PPP1R9A: variants seen among roughly 807,000 people sequenced by gnomAD.
The protein encoded by PPP1R9A is protein phosphatase 1 regulatory subunit 9A.
Under a neutral mutation model 141.9 loss-of-function variants are expected in PPP1R9A, and 59 were observed. That is an observed-to-expected ratio of 0.42 (90% confidence interval 0.34 to 0.52). The LOEUF (loss-of-function observed/expected upper bound fraction) is 0.52, where lower values mean the gene tolerates loss of function less well. PPP1R9A is among the 20% of genes least tolerant of loss of function. PPP1R9A has a pLI of 0.10. For synonymous variants in PPP1R9A, 500 were observed against 569.7 expected, an observed-to-expected ratio of 0.88 and a Z score of 1.74; for missense variants, 1,444 against 1,611.9, an observed-to-expected ratio of 0.90 and a Z score of 1.78.
At chr7:95,059,686 C>T (rs1372559790) in intron 2 of PPP1R9A, among the ~76,000 whole-genome samples, 1 of 152,140 alleles carries the variant, frequency 6.6e-6, no homozygotes, top group African/African-American at 2.4e-5. Flanking sequence ...TGTATGTATG[C>T]TGAGTGTGAC....
rs1805354826 is a variant in PPP1R9A at position 95,286,474 on chromosome 7, C to G, written c.3729+149C>G. ...TTAATTTGAAGTCTTCATGATTTCT[C>G]TCCCTCCCTTTCTCAACAGAAAAGC... On this transcript the variant is annotated intron_variant, in intron 18 of 19. Transcript: ENST00000433360. 3 of 1,348,568 alleles carry G rather than the reference C, an allele frequency of 2.2e-6. No individual in the cohort carries two copies. The South Asian group carries it at 4.7e-5, about 21-fold the overall frequency. The allele number at this position is 1,348,568 out of a possible 1,614,324, so 83.5% of individuals were successfully genotyped here.
intron 2 of PPP1R9A, among the ~76,000 whole-genome samples, chr7:94,998,339 A>G (rs1386816531): frequency 3.9e-5 from 6 of 152,142 alleles, no homozygotes; most frequent in Non-Finnish European, 5.9e-5. Flanking sequence ...CCTGTGAACT[A>G]TTTACCCCTC....
At chr7:94,944,318 C>T (rs544130820) in intron 2 of PPP1R9A, among the ~76,000 whole-genome samples, 1 of 152,214 alleles carries the variant, frequency 6.6e-6, no homozygotes, top group Middle Eastern at 3.4e-3. Flanking sequence ...CCTGTTCTTT[C>T]AGACACCTCC....
intron 4 of PPP1R9A, among the ~76,000 whole-genome samples, chr7:95,157,248 G>T (rs1829771349): frequency 6.6e-6 from 1 of 152,096 alleles, no homozygotes; most frequent in Admixed American, 6.6e-5. Flanking sequence ...GGCCTTCTCA[G>T]CTCCCCCTCT....
chr7:95,133,789 C>T (rs934002063), intron 4 of PPP1R9A, among the ~76,000 whole-genome samples: 2 of 151,904 alleles, frequency 1.3e-5, no homozygotes, highest in African/African-American at 2.4e-5. Flanking sequence ...CTCCACCTCC[C>T]GGGTTCAAGC....
chr7:95,071,257 A>G (rs577654234), intron 2 of PPP1R9A, among the ~76,000 whole-genome samples: 2 of 152,142 alleles, frequency 1.3e-5, no homozygotes, highest in African/African-American at 4.8e-5. Flanking sequence ...TTGGAGAATA[A>G]CTACCTGAGC....
In PPP1R9A at chr7:95,111,484, G is replaced by A. The variant is rs117990831; in HGVS notation, c.1528+93G>A. 6,911 of 1,245,104 alleles carry A rather than the reference G, an allele frequency of 5.6e-3. 55 individuals are homozygous for A. The highest frequency in any genetic ancestry group is 0.027 in the East Asian group (1,073 of 39,766). 77.1% of individuals were successfully genotyped at this position (1,245,104 alleles called of 1,614,324 possible). A position where few individuals can be genotyped will look rare whatever the true frequency, so the allele number is the denominator to read the frequency against. ...AATGTAGCCTTTTTTCTAAGGATTGGATAAAATTTTAATTCTAACAGAGGA... is the reference window on the plus strand; with the variant it reads ...AATGTAGCCTTTTTTCTAAGGATTGAATAAAATTTTAATTCTAACAGAGGA... On this transcript the variant is annotated intron_variant, in intron 3 of 19. Transcript: ENST00000433360.
intron 2 of PPP1R9A, among the ~76,000 whole-genome samples, chr7:94,983,424 A>T (rs1321171626): frequency 1.3e-5 from 2 of 152,138 alleles, no homozygotes; most frequent in African/African-American, 4.8e-5. Context: ...CTTGAGCAGT[A>T]TGGCCATTTT....
chr7:94,981,987 A>G (rs1343205213), intron 2 of PPP1R9A, among the ~76,000 whole-genome samples: 1 of 40,642 alleles, frequency 2.5e-5, no homozygotes, highest in Non-Finnish European at 5.1e-5. Flanking sequence ...CCCCCACCCC[A>G]CTACAGGCCT....
At chr7:95,252,883 G>T (rs1232159706) in intron 12 of PPP1R9A, among the ~76,000 whole-genome samples, 2 of 152,166 alleles carry the variant, frequency 1.3e-5, no homozygotes, top group Non-Finnish European at 1.5e-5. Flanking sequence ...ATAGTTTTGT[G>T]CTTTTACCAT....
intron 2 of PPP1R9A, among the ~76,000 whole-genome samples, chr7:94,999,974 T>C (rs1349879043): frequency 6.6e-6 from 1 of 151,980 alleles, no homozygotes; most frequent in Non-Finnish European, 1.5e-5. Context: ...GCTAATTTTT[T>C]GTATTTTTAG....
At chr7:95,031,920 G>A (rs373022531) in intron 2 of PPP1R9A, among the ~76,000 whole-genome samples, 2 of 152,192 alleles carry the variant, frequency 1.3e-5, no homozygotes, top group Admixed American at 1.3e-4. Context: ...CAGTCACTCA[G>A]CTAGTAAATG....
chr7:95,117,592 A>T (rs12667458), intron 3 of PPP1R9A, among the ~76,000 whole-genome samples: 13,181 of 152,228 alleles, frequency 0.087, 757 homozygotes, highest in East Asian at 0.18. Context: ...CCAAGACCTG[A>T]GTCTAGGCAG....
At chr7:94,969,468 A>G (rs1798614990) in intron 2 of PPP1R9A, among the ~76,000 whole-genome samples, 1 of 151,884 alleles carries the variant, frequency 6.6e-6, no homozygotes, top group Non-Finnish European at 1.5e-5. Context: ...GGGTATTACC[A>G]GTGGAGGCTG....
intron 4 of PPP1R9A, among the ~76,000 whole-genome samples, chr7:95,154,441 A>G (rs1409508411): frequency 6.6e-6 from 1 of 152,154 alleles, no homozygotes; most frequent in Non-Finnish European, 1.5e-5. Context: ...CTTAACACAT[A>G]GTCTACAAAG....
In PPP1R9A at chr7:95,109,791, C is replaced by T. The variant is rs1477830481; in HGVS notation, c.1396-1468C>T. Among the ~76,000 whole-genome samples, 4 of 151,330 alleles carry T rather than the reference C, an allele frequency of 2.6e-5. No homozygotes were observed. The South Asian group carries it at 8.4e-4, about 32-fold the overall frequency. ...CTCAGAAAGCAGAAGCTACAGTGAG[C>T]CTACTACTGCACTCCAGCTTGGAGT... On this transcript the variant is annotated intron_variant, in intron 2 of 19. Coordinates refer to ENST00000433360, the MANE Select transcript of PPP1R9A (RefSeq NM_001166160.2).
At chr7:95,076,494 T>C (rs558798667) in intron 2 of PPP1R9A, among the ~76,000 whole-genome samples, 3 of 152,294 alleles carry the variant, frequency 2.0e-5, no homozygotes, top group Admixed American at 6.5e-5. Context: ...CTGGACTCTC[T>C]GTTTCATCAA....
At chr7:95,191,046 C>T (rs757810308) in intron 5 of PPP1R9A, among the ~76,000 whole-genome samples, 5 of 152,174 alleles carry the variant, frequency 3.3e-5, no homozygotes, top group African/African-American at 4.8e-5. Flanking sequence ...TATAACCTCT[C>T]GTCATTTACA....
rs779932915 is a variant in PPP1R9A, at chr7:95,225,950, C to T, written c.1957-11C>T. ...AGGACAGCTGGATTTCTGAAATCCCCTTCCTTTCAGACAGGAGAATATGCC... is the reference window on the plus strand; with the variant it reads ...AGGACAGCTGGATTTCTGAAATCCCTTTCCTTTCAGACAGGAGAATATGCC... On this transcript the variant is annotated splice_polypyrimidine_tract_variant and intron_variant, in intron 7 of 19. Transcript: ENST00000433360. 1.3e-6 allele frequency: 2 copies of T among 1,590,078 alleles called. No homozygotes were observed. The highest frequency in any genetic ancestry group is 8.6e-7 in the Non-Finnish European group (1 of 1,161,294).
Sources: allele counts gnomAD v4.1 joint callset (sites outside exome capture counted in the v4.1 genomes callset), GRCh38; gene constraint gnomAD v4.1.1; transcripts MANE v1.5; gene names NCBI Gene and HGNC (gene_info 2026-07-23, HGNC 2026-07-21).